Variants in NCAM2 observed in about 807,000 individuals in gnomAD.
NCAM2 encodes the protein N-CAM-2.
NCAM2 carries 30 observed loss-of-function variants against 98.1 expected under a neutral mutation model. The ratio of observed to expected loss-of-function variants is 0.31; its 90% CI spans 0.23 to 0.41. The LOEUF is 0.41. NCAM2 is among the 10% of genes least tolerant of loss of function. The probability of loss-of-function intolerance (pLI) is 1.00; values close to 1 mark genes in which losing one functional copy is unlikely to be tolerated. For missense variants in NCAM2, 867 were observed against 1,005.8 expected (o/e 0.86, Z 1.87); for synonymous variants, 368 against 342.4 (o/e 1.07, Z -0.83).
At chr21:21,487,717 T>C (rs940839931) in intron 15 of NCAM2, among the ~76,000 whole-genome samples, 1 of 152,140 alleles carries the variant, frequency 6.6e-6, no homozygotes, top group African/African-American at 2.4e-5. Flanking sequence ...TCCTCCATTT[T>C]ACAGTCAACG....
chr21:21,519,705 G>C (rs17003881), intron 16 of NCAM2, among the ~76,000 whole-genome samples: 3,295 of 152,058 alleles, frequency 0.022, 123 homozygotes, highest in African/African-American at 0.075. Flanking sequence ...AATTTCTTCT[G>C]CTTTGGAAAA....
At chr21:21,528,387 A>G (rs1417186396) in intron 16 of NCAM2, among the ~76,000 whole-genome samples, 2 of 152,180 alleles carry the variant, frequency 1.3e-5, no homozygotes, top group Non-Finnish European at 2.9e-5. Context: ...ATTGATTGTA[A>G]CAAATGCACC....
intron 1 of NCAM2, among the ~76,000 whole-genome samples, chr21:21,261,365 C>T (rs149466768): frequency 2.8e-4 from 42 of 152,266 alleles, no homozygotes; most frequent in Non-Finnish European, 5.9e-5. Context: ...ATCTACAAAA[C>T]ATCTACCCAA....
intron 1 of NCAM2, among the ~76,000 whole-genome samples, chr21:21,212,749 T>TG (rs1415811366): frequency 2.7e-5 from 4 of 148,554 alleles, no homozygotes; most frequent in African/African-American, 1.0e-4. Flanking sequence ...GTGCTTTTTT[T>TG]TTTTTTTTTT....
chr21:21,123,865 T>TTTTTTTTTTTTTTTTA (rs1601429348), intron 1 of NCAM2, among the ~76,000 whole-genome samples: 1 of 146,840 alleles, frequency 6.8e-6, no homozygotes, highest in African/African-American at 2.5e-5. Flanking sequence ...TTTTTTTTTT[T>TTTTTTTTTTTTTTTTA]GAGACGGAGT....
chr21:21,514,700 T>G (rs1051357844), intron 16 of NCAM2, among the ~76,000 whole-genome samples: 1 of 152,170 alleles, frequency 6.6e-6, no homozygotes, highest in Non-Finnish European at 1.5e-5. Flanking sequence ...CAGTTAGTAT[T>G]TTTTAAATTA....
intron 1 of NCAM2, among the ~76,000 whole-genome samples, chr21:21,099,688 A>G (rs779290177): frequency 1.3e-5 from 2 of 151,926 alleles, no homozygotes; most frequent in Non-Finnish European, 2.9e-5. Context: ...GCCAAACCTT[A>G]TATCAGGCTT....
At chr21:21,409,344 A>T (rs1000661320) in intron 9 of NCAM2, among the ~76,000 whole-genome samples, 4 of 152,282 alleles carry the variant, frequency 2.6e-5, no homozygotes, top group Admixed American at 2.0e-4. Context: ...ACCTGAAAAA[A>T]TTGATAGGGA....
At chr21:21,121,702 A>T (rs559951827) in intron 1 of NCAM2, among the ~76,000 whole-genome samples, 1 of 152,370 alleles carries the variant, frequency 6.6e-6, no homozygotes, top group African/African-American at 2.4e-5. Flanking sequence ...CATGAATTAT[A>T]GCTTGCTCAC....
chr21:21,079,221 G>A (rs192134017), intron 1 of NCAM2, among the ~76,000 whole-genome samples: 2 of 148,604 alleles, frequency 1.3e-5, no homozygotes, highest in Admixed American at 1.3e-4. Context: ...CAAACAAAAC[G>A]TTTCTTTTGA....
At chr21:21,459,204 C>T (rs923841868) in intron 12 of NCAM2, among the ~76,000 whole-genome samples, 3 of 151,600 alleles carry the variant, frequency 2.0e-5, no homozygotes, top group Non-Finnish European at 4.4e-5. Context: ...GTTAAGTGTT[C>T]GCAAGCATGT....
intron 11 of NCAM2, among the ~76,000 whole-genome samples, chr21:21,430,403 T>TATATATATATATATATATATATA (rs71195328): frequency 3.4e-4 from 50 of 146,590 alleles, no homozygotes; most frequent in East Asian, 8.9e-4. Context: ...TTTATATATA[T>TATATATATATATATATATATATA]TAGCCCATTC....
At chr21:21,222,945 C>G (rs1439032629) in intron 1 of NCAM2, among the ~76,000 whole-genome samples, 1 of 152,168 alleles carries the variant, frequency 6.6e-6, no homozygotes, top group African/African-American at 2.4e-5. Context: ...GAAATTGGCA[C>G]AACCACCTCA....
At chr21:21,276,102 AT>A (rs1280986883) in intron 1 of NCAM2, among the ~76,000 whole-genome samples, 1 of 151,958 alleles carries the variant, frequency 6.6e-6, no homozygotes. Context: ...GGCATTTTTT[AT>A]CTTTTTATGT....
rs1247613414 is a variant in NCAM2, at chr21:21,539,421, G to C, written c.*1464G>C. The stretch of plus-strand genomic sequence containing the variant: ...CAAATAGTGACAGGACAGGGAATGC[G>C]TTCCAAAGGAATATTGGAGCAATTT... On this transcript the variant is annotated 3_prime_UTR_variant, in exon 18 of 18. Transcript: ENST00000400546. 1 of 152,098 alleles carries C rather than the reference G, an allele frequency of 6.6e-6. No individual in the cohort carries two copies. The highest frequency in any genetic ancestry group is 1.5e-5 in the Non-Finnish European group (1 of 68,038). 9.4% of individuals were successfully genotyped at this position (152,098 alleles called of 1,614,324 possible). A position where few individuals can be genotyped will look rare whatever the true frequency, so the allele number is the denominator to read the frequency against.
At chr21:21,302,869 G>A (rs1416653921) in intron 5 of NCAM2, among the ~76,000 whole-genome samples, 4 of 152,030 alleles carry the variant, frequency 2.6e-5, no homozygotes, top group Admixed American at 2.0e-4. Context: ...ATCAATATTG[G>A]ATTGGATAAA....
At chr21:21,502,265 T>G (rs1874471181) in intron 15 of NCAM2, among the ~76,000 whole-genome samples, 1 of 151,980 alleles carries the variant, frequency 6.6e-6, no homozygotes, top group African/African-American at 2.4e-5. Context: ...GAACAGTTAT[T>G]AATTCTCTCA....
At chr21:21,062,681 T>C (rs1166935407) in intron 1 of NCAM2, among the ~76,000 whole-genome samples, 1 of 152,214 alleles carries the variant, frequency 6.6e-6, no homozygotes, top group East Asian at 1.9e-4. Flanking sequence ...ATGCACCAAC[T>C]AGTAGGTCAG....
At chr21:21,458,139 C>G (rs1416531745) in intron 12 of NCAM2, among the ~76,000 whole-genome samples, 1 of 152,214 alleles carries the variant, frequency 6.6e-6, no homozygotes, top group African/African-American at 2.4e-5. Context: ...CTAGTGCCAT[C>G]TCACATCGTG....
Sources: allele counts gnomAD v4.1 joint callset (sites outside exome capture counted in the v4.1 genomes callset), GRCh38; gene constraint gnomAD v4.1.1; transcripts MANE v1.5; gene names NCBI Gene and HGNC (gene_info 2026-07-23, HGNC 2026-07-21).